The following HRH1 variants were observed in gnomAD, a reference collection of about 807,000 sequenced individuals.
The protein encoded by HRH1 is histamine receptor H1.
HRH1 carries 6 observed loss-of-function variants against 10.3 expected under a neutral mutation model. The ratio of observed to expected loss-of-function variants is 0.58; its 90% CI spans 0.32 to 1.15. The LOEUF is 1.15. HRH1 is among the 50% of genes most tolerant of loss of function. The pLI is 0.05. For missense variants in HRH1, 514 were observed against 615.3 expected (o/e 0.84, Z 1.74); for synonymous variants, 242 against 236.7 (o/e 1.02, Z -0.21).
At chr3:11,210,904 G>A (rs1454261748) in intron 1 of HRH1, among the ~76,000 whole-genome samples, 2 of 152,078 alleles carry the variant, frequency 1.3e-5, no homozygotes, top group Non-Finnish European at 2.9e-5. Context: ...ATGACTCCAG[G>A]GCCCTCAGAA....
At chr3:11,237,842 A>G (rs1288293802) in intron 1 of HRH1, among the ~76,000 whole-genome samples, 1 of 151,220 alleles carries the variant, frequency 6.6e-6, no homozygotes, top group Non-Finnish European at 1.5e-5. Flanking sequence ...CGCCCTGCTA[A>G]TTTTTTTGTA....
intron 1 of HRH1, among the ~76,000 whole-genome samples, chr3:11,231,112 GGACT>G (rs1939028043): frequency 6.6e-6 from 1 of 152,070 alleles, no homozygotes; most frequent in Admixed American, 6.6e-5. Flanking sequence ...TAACCTTTTG[GGACT>G]GACTTCTTTC....
At chr3:11,247,345 A>G (rs750365001) in intron 1 of HRH1, among the ~76,000 whole-genome samples, 1 of 152,134 alleles carries the variant, frequency 6.6e-6, no homozygotes, top group Non-Finnish European at 1.5e-5. Flanking sequence ...CTGCAGGAGG[A>G]TGCAGCTTGC....
At chr3:11,151,843 T>C (rs1936635654), upstream of HRH1, among the ~76,000 whole-genome samples, 1 of 152,150 alleles carries the variant, frequency 6.6e-6, no homozygotes. Context: ...GCATTACTAT[T>C]CTTATTTTAC....
chr3:11,207,534 A>C (rs1277618750), intron 1 of HRH1, among the ~76,000 whole-genome samples: 1 of 152,062 alleles, frequency 6.6e-6, no homozygotes, highest in Non-Finnish European at 1.5e-5. Flanking sequence ...ATGCCACTGC[A>C]CTCCAGCCTG....
chr3:11,142,750 CA>C (rs1314013684), intron 1 of HRH1, among the ~76,000 whole-genome samples: 1 of 151,822 alleles, frequency 6.6e-6, no homozygotes, highest in Non-Finnish European at 1.5e-5. Context: ...CTGTCTCTAC[CA>C]AAAATACAAA....
chr3:11,214,405 C>T (rs961444184), intron 1 of HRH1, among the ~76,000 whole-genome samples: 3 of 152,204 alleles, frequency 2.0e-5, no homozygotes, highest in African/African-American at 7.2e-5. Context: ...AGGTCACCTG[C>T]AAATAACTCT....
intron 1 of HRH1, among the ~76,000 whole-genome samples, chr3:11,237,474 C>G (rs981396004): frequency 6.6e-6 from 1 of 152,008 alleles, no homozygotes; most frequent in Non-Finnish European, 1.5e-5. Context: ...GTGCAGGCAC[C>G]AAGCCCTAAA....
At chr3:11,254,988 G>A (rs1423091843) in intron 1 of HRH1, among the ~76,000 whole-genome samples, 1 of 152,200 alleles carries the variant, frequency 6.6e-6, no homozygotes, top group Non-Finnish European at 1.5e-5. Context: ...GGTCTATTAG[G>A]TGGGAAGGAA....
intron 1 of HRH1, among the ~76,000 whole-genome samples, chr3:11,190,507 C>T (rs1487004420): frequency 1.3e-5 from 2 of 152,034 alleles, no homozygotes; most frequent in Non-Finnish European, 2.9e-5. Context: ...TCTCTTGCCT[C>T]AGCCTCCTGA....
intron 1 of HRH1, among the ~76,000 whole-genome samples, chr3:11,241,464 G>A (rs1453588290): frequency 6.6e-6 from 1 of 152,008 alleles, no homozygotes; most frequent in African/African-American, 2.4e-5. Flanking sequence ...ATTGTAAAAC[G>A]CACCAATCAG....
chr3:11,148,501 A>G (rs1936514484), intron 1 of HRH1, among the ~76,000 whole-genome samples: 1 of 152,184 alleles, frequency 6.6e-6, no homozygotes, highest in South Asian at 2.1e-4. Context: ...GGTGTCAGCG[A>G]CTGAGGTTAT....
intron 1 of HRH1, among the ~76,000 whole-genome samples, chr3:11,185,259 C>G (rs950011144): frequency 1.2e-4 from 18 of 152,162 alleles, no homozygotes; most frequent in African/African-American, 3.4e-4. Context: ...GCTCAGGAAC[C>G]TGCACTTTCA....
chr3:11,221,827 A>G (rs1268445114), intron 1 of HRH1, among the ~76,000 whole-genome samples: 2 of 152,148 alleles, frequency 1.3e-5, no homozygotes, highest in Non-Finnish European at 2.9e-5. Flanking sequence ...GGGACTTTAT[A>G]TAAGTGGAAT....
intron 1 of HRH1, among the ~76,000 whole-genome samples, chr3:11,182,771 C>G (rs1326317081): frequency 6.6e-6 from 1 of 152,112 alleles, no homozygotes; most frequent in African/African-American, 2.4e-5. Flanking sequence ...CTGAGATGCT[C>G]CTATTTCACA....
At chr3:11,173,624 A>T (rs1445320994) in intron 1 of HRH1, among the ~76,000 whole-genome samples, 1 of 151,802 alleles carries the variant, frequency 6.6e-6, no homozygotes, top group African/African-American at 2.4e-5. Context: ...TATATTTTAA[A>T]TATATATAAA....
intron 1 of HRH1, among the ~76,000 whole-genome samples, chr3:11,138,023 C>CT (rs971446469): frequency 8.7e-4 from 129 of 148,700 alleles, no homozygotes; most frequent in African/African-American, 1.1e-3. Flanking sequence ...ACAAGGAACT[C>CT]TTTTTTTTTT....
At chr3:11,210,610 G>A (rs1027769271) in intron 1 of HRH1, among the ~76,000 whole-genome samples, 9 of 151,988 alleles carry the variant, frequency 5.9e-5, no homozygotes, top group African/African-American at 1.9e-4. Context: ...TGGGCAATGC[G>A]GTGAAACCCC....
chr3:11,203,950 C>T (rs1006677938), intron 1 of HRH1, among the ~76,000 whole-genome samples: 14 of 152,198 alleles, frequency 9.2e-5, no homozygotes, highest in African/African-American at 2.7e-4. Flanking sequence ...GACATCTAGA[C>T]AATATTGGGG....
Sources: allele counts gnomAD v4.1 joint callset (sites outside exome capture counted in the v4.1 genomes callset), GRCh38; gene constraint gnomAD v4.1.1; transcripts MANE v1.5; gene names NCBI Gene and HGNC (gene_info 2026-07-23, HGNC 2026-07-21).